Variants in ANO10 observed in about 807,000 individuals in gnomAD.
ANO10 encodes the protein anoctamin-10.
Under a neutral mutation model 74.7 loss-of-function variants are expected in ANO10, and 77 were observed. That is an observed-to-expected ratio of 1.03 (90% confidence interval 0.86 to 1.25). The LOEUF (loss-of-function observed/expected upper bound fraction) is 1.25, where lower values mean the gene tolerates loss of function less well. ANO10 is among the 50% of genes most tolerant of loss of function. The probability of loss-of-function intolerance (pLI) is 0.00; values close to 1 mark genes in which losing one functional copy is unlikely to be tolerated. For synonymous variants in ANO10, 279 were observed against 284.9 expected (o/e 0.98, Z 0.21); for missense variants, 721 against 778.1 (o/e 0.93, Z 0.87).
At chr3:43,596,635 G>A (rs554340940) in intron 4 of ANO10, among the ~76,000 whole-genome samples, 2 of 152,204 alleles carry the variant, frequency 1.3e-5, no homozygotes, top group African/African-American at 4.8e-5. Flanking sequence ...AAGACTTAAT[G>A]TCAGACCGAA....
chr3:43,664,768 T>C (rs970720190), intron 1 of ANO10, among the ~76,000 whole-genome samples: 3 of 151,896 alleles, frequency 2.0e-5, no homozygotes, highest in Non-Finnish European at 4.4e-5. Context: ...ACAACAGACA[T>C]ATGAAAAAAT....
intron 1 of ANO10, among the ~76,000 whole-genome samples, chr3:43,681,227 G>A (rs1395789929): frequency 6.6e-6 from 1 of 152,008 alleles, no homozygotes; most frequent in Non-Finnish European, 1.5e-5. Flanking sequence ...TAAAGGGATG[G>A]AGGAAGATCT....
At chr3:43,591,779 A>C (rs1330803684) in intron 4 of ANO10, among the ~76,000 whole-genome samples, 3 of 152,290 alleles carry the variant, frequency 2.0e-5, no homozygotes, top group Admixed American at 6.5e-5. Context: ...GCGCACGGAC[A>C]GAGCCGAAGC....
chr3:43,393,259 A>G (rs758504619), intron 12 of ANO10, among the ~76,000 whole-genome samples: 14 of 152,234 alleles, frequency 9.2e-5, no homozygotes, highest in Non-Finnish European at 1.5e-5. Context: ...TCCTTCCATC[A>G]AGTGAAGTGC....
chr3:43,549,456 C>A (rs1332011464), intron 11 of ANO10, among the ~76,000 whole-genome samples: 2 of 152,108 alleles, frequency 1.3e-5, no homozygotes, highest in African/African-American at 4.8e-5. Flanking sequence ...ATAGGATTTA[C>A]CTACTTAGCA....
At position 43,555,346 on chromosome 3, in the gene ANO10, C is replaced by A. The variant is rs1307621832; in HGVS notation, c.1600G>T (p.Ala534Ser). The change falls in exon 10 of 13, where the codon GCC becomes TCC. Residue 534 changes from alanine (A) to serine (S), a missense_variant. By Grantham distance (99) the Ala-to-Ser change is moderately conservative. Coordinates refer to ENST00000292246, the MANE Select transcript of ANO10 (RefSeq NM_018075.5). Reference sequence around the variant, plus strand: ...TTGAAGACCCTGCACATTTTTAAGGCATCTGAATTTACTTCAGTGAAGTTA... The same window carrying A: ...TTGAAGACCCTGCACATTTTTAAGGAATCTGAATTTACTTCAGTGAAGTTA... ...LNNFTEVNSDALKMCRVFKRP... is the reference protein window; with the variant it reads ...LNNFTEVNSDSLKMCRVFKRP... 1.2e-6 allele frequency: 2 copies of A among 1,614,100 alleles called. No individual in the cohort carries two copies. Among genetic ancestry groups the A allele is most frequent in the South Asian group, 2.2e-5 (2 of 91,078 alleles).
intron 11 of ANO10, among the ~76,000 whole-genome samples, chr3:43,513,009 C>T (rs770666222): frequency 6.6e-6 from 1 of 152,198 alleles, no homozygotes; most frequent in Non-Finnish European, 1.5e-5. Context: ...ATGGCACCAG[C>T]TGTTTGCAGG....
chr3:43,555,391 C>T lies in ANO10; in HGVS notation c.1555G>A (p.Ala519Thr). 1 of 1,614,136 alleles carries T rather than the reference C, an allele frequency of 6.2e-7. No individual in the cohort carries two copies. Among genetic ancestry groups the T allele is most frequent in the South Asian group, 1.1e-5 (1 of 91,084 alleles). ...AAGTTATTTAACACAGCAAAGGCAG[C>T]TGCTAATGGGTAAACACAGGAGAAA... ...SLFSCVYPLA[A>T]AFAVLNNFTE... Residue 519 changes from alanine (A) to threonine (T), a missense_variant, in exon 10 of 13, where the codon GCT becomes ACT. Physicochemically the swap from Ala to Thr is moderately conservative, Grantham distance 58 (BLOSUM62 0). Coordinates refer to ENST00000292246, the MANE Select transcript of ANO10 (RefSeq NM_018075.5).
intron 12 of ANO10, among the ~76,000 whole-genome samples, chr3:43,425,970 C>A (rs2092894361): frequency 6.6e-6 from 1 of 152,118 alleles, no homozygotes; most frequent in Admixed American, 6.5e-5. Flanking sequence ...ATCTACCCAA[C>A]AAGAACCTTG....
chr3:43,564,501 A>T (rs2080212369), intron 8 of ANO10, among the ~76,000 whole-genome samples: 1 of 152,218 alleles, frequency 6.6e-6, no homozygotes, highest in Non-Finnish European at 1.5e-5. Flanking sequence ...AATCATATAT[A>T]AAAATAAAAC....
intron 12 of ANO10, among the ~76,000 whole-genome samples, chr3:43,430,847 A>T (rs944529299): frequency 6.6e-6 from 1 of 151,790 alleles, no homozygotes; most frequent in Non-Finnish European, 1.5e-5. Flanking sequence ...AGTAAAGTTT[A>T]AAAAAAATTG....
At chr3:43,525,476 C>G (rs1031077806) in intron 11 of ANO10, among the ~76,000 whole-genome samples, 3 of 152,170 alleles carry the variant, frequency 2.0e-5, no homozygotes, top group Admixed American at 6.5e-5. Flanking sequence ...TGCCAACAAC[C>G]ATTCCTGCTT....
chr3:43,684,945 T>A (rs1336823579), intron 1 of ANO10, among the ~76,000 whole-genome samples: 2 of 151,812 alleles, frequency 1.3e-5, no homozygotes, highest in South Asian at 4.2e-4. Context: ...GTCGGGGGCA[T>A]GGGGAGGGAT....
intron 12 of ANO10, among the ~76,000 whole-genome samples, chr3:43,392,592 T>A (rs1391346148): frequency 1.3e-5 from 2 of 152,222 alleles, no homozygotes; most frequent in East Asian, 3.9e-4. Flanking sequence ...CTCACACACG[T>A]GTGTTTATCC....
chr3:43,665,223 A>C (rs1291411839), intron 1 of ANO10, among the ~76,000 whole-genome samples: 1 of 152,332 alleles, frequency 6.6e-6, no homozygotes, highest in East Asian at 1.9e-4. Context: ...ATGTCTTTGC[A>C]GGGACATGGA....
intron 7 of ANO10, among the ~76,000 whole-genome samples, chr3:43,572,070 C>T (rs2080757754): frequency 6.6e-6 from 1 of 152,154 alleles, no homozygotes; most frequent in South Asian, 2.1e-4. Flanking sequence ...CACGTGCACA[C>T]CTTAAGTTCC....
chr3:43,590,500 C>T (rs1042106945), intron 4 of ANO10, among the ~76,000 whole-genome samples: 1 of 151,854 alleles, frequency 6.6e-6, no homozygotes, highest in Non-Finnish European at 1.5e-5. Flanking sequence ...ATCAGGAAGA[C>T]CAGAGAAGAT....
intron 12 of ANO10, among the ~76,000 whole-genome samples, chr3:43,413,270 C>T (rs193231222): frequency 2.0e-4 from 31 of 152,234 alleles, no homozygotes; most frequent in African/African-American, 6.5e-4. Flanking sequence ...AATTTAAGAG[C>T]GACTCCTTGT....
intron 12 of ANO10, among the ~76,000 whole-genome samples, chr3:43,386,056 T>C (rs1477017495): frequency 1.3e-5 from 2 of 152,188 alleles, no homozygotes; most frequent in Non-Finnish European, 2.9e-5. Flanking sequence ...TGGCTTGCCA[T>C]GGACAAGGGG....
Sources: allele counts gnomAD v4.1 joint callset (sites outside exome capture counted in the v4.1 genomes callset), GRCh38; gene constraint gnomAD v4.1.1; transcripts MANE v1.5; gene names NCBI Gene and HGNC (gene_info 2026-07-23, HGNC 2026-07-21).